The following CD44 variants were observed in gnomAD, a reference collection of about 807,000 sequenced individuals.
The protein encoded by CD44 is CD44 molecule (IN blood group).
Under a neutral mutation model 88.8 loss-of-function variants are expected in CD44, and 49 were observed. The ratio of observed to expected loss-of-function variants is 0.55; its 90% CI spans 0.44 to 0.70. CD44 has a LOEUF of 0.70. CD44 is among the 30% of genes least tolerant of loss of function. The pLI is 0.00. For missense variants in CD44, 883 were observed against 913.8 expected (o/e 0.97, Z 0.43); for synonymous variants, 325 against 312.3 (o/e 1.04, Z -0.43).
chr11:35,172,318 T>C (rs1943998432), intron 1 of CD44, among the ~76,000 whole-genome samples: 1 of 152,206 alleles, frequency 6.6e-6, no homozygotes, highest in Non-Finnish European at 1.5e-5. Context: ...ATCCCACTTG[T>C]TTAAAATTTC....
intron 1 of CD44, among the ~76,000 whole-genome samples, chr11:35,145,098 A>C (rs1172961733): frequency 2.0e-5 from 3 of 152,248 alleles, no homozygotes; most frequent in African/African-American, 7.2e-5. Context: ...GGAATTGGTG[A>C]TGCCAAAGAA....
At chr11:35,201,504 T>A in intron 8 of CD44, 167 bp from the exon 9 acceptor site, 1 of 718,798 alleles carries the variant, frequency 1.4e-6, no homozygotes, top group Non-Finnish European at 2.3e-6. Context: ...CCATTGATTT[T>A]CTCTTGAGAC....
intron 1 of CD44, among the ~76,000 whole-genome samples, chr11:35,161,501 A>G (rs190029708): frequency 4.3e-4 from 65 of 152,346 alleles, no homozygotes; most frequent in Non-Finnish European, 7.3e-4. Context: ...TCAGGGGGTC[A>G]GGAGAGCCTT....
In CD44 at chr11:35,198,145, C is replaced by T. The variant is rs760366186; in HGVS notation, c.821C>T (p.Ala274Val). ...GGTACGTCTTCAAATACCATCTCAGCAGGCTGGGAGCCAAATGAAGAAAAT... is the reference window on the plus strand; with the variant it reads ...GGTACGTCTTCAAATACCATCTCAGTAGGCTGGGAGCCAAATGAAGAAAAT... ...MAGTSSNTIS[A>V]GWEPNEENED... Residue 274 changes from alanine (A) to valine (V), a missense_variant, in exon 7 of 18, where the codon GCA becomes GTA. This residue lies in a region of CD44 where 631 missense variants were observed against 590.9 expected (regional missense o/e 1.07). Transcript: ENST00000428726. The T allele has an allele frequency of 1.2e-6, 2 of 1,613,882 alleles. No individual in the cohort carries two copies. Among genetic ancestry groups the T allele is most frequent in the East Asian group, 2.2e-5 (1 of 44,844 alleles).
chr11:35,146,119 C>T (rs1328498323), intron 1 of CD44, among the ~76,000 whole-genome samples: 1 of 152,170 alleles, frequency 6.6e-6, no homozygotes, highest in Non-Finnish European at 1.5e-5. Context: ...GTTTGAGTTG[C>T]ACTGGCTGCC....
Position 35,139,229 on chromosome 11 carries a change from C to G in CD44, c.-75C>G. On this transcript the variant is annotated 5_prime_UTR_variant, in exon 1 of 18. Transcript: ENST00000428726. ...TTCGGTCCGCCATCCTCGTCCCGTC[C>G]TCCGCCGGCCCCTGCCCCGCGCCCA... 8.2e-7 allele frequency: 1 copy of G among 1,223,078 alleles called. No individual in the cohort carries two copies. The highest frequency in any genetic ancestry group is 1.2e-6 in the Non-Finnish European group (1 of 849,342). 75.8% of individuals were successfully genotyped at this position (1,223,078 alleles called of 1,614,324 possible). A position where few individuals can be genotyped will look rare whatever the true frequency, so the allele number is the denominator to read the frequency against.
At chr11:35,190,159 C>A in intron 5 of CD44, 94 bp downstream of exon 5, 1 of 1,108,242 alleles carries the variant, frequency 9.0e-7, no homozygotes, top group South Asian at 1.3e-5. Context: ...TGCTGATTTT[C>A]TCGTCTCTAG....
chr11:35,142,561 C>CT (rs1027148074), intron 1 of CD44, among the ~76,000 whole-genome samples: 110 of 152,088 alleles, frequency 7.2e-4, no homozygotes, highest in African/African-American at 2.4e-3. Flanking sequence ...ACTCCGCCCC[C>CT]TGCTGGGAGT....
chr11:35,152,533 T>C (rs1860526353), intron 1 of CD44, among the ~76,000 whole-genome samples: 1 of 152,232 alleles, frequency 6.6e-6, no homozygotes, highest in Admixed American at 6.5e-5. Context: ...CTGCCTCCCC[T>C]AGACCTCTCC....
chr11:35,210,415 C>T (rs1157674547), intron 13 of CD44: 2 of 154,184 alleles, frequency 1.3e-5, no homozygotes, highest in African/African-American at 2.4e-5. Context: ...ATAAATTTCC[C>T]TCTTACTACT....
At chr11:35,223,323 T>A in intron 17 of CD44, 1 of 982,546 alleles carries the variant, frequency 1.0e-6, no homozygotes, top group Non-Finnish European at 1.2e-6. Flanking sequence ...AATTTCCTAT[T>A]GTGTGCAATC....
chr11:35,208,841 T>G (rs1006173915), intron 12 of CD44, among the ~76,000 whole-genome samples: 2 of 152,200 alleles, frequency 1.3e-5, no homozygotes, highest in African/African-American at 4.8e-5. Flanking sequence ...TCATAATTTC[T>G]TTGAGGAATA....
rs957377561 is a variant in CD44 at position 35,176,567 on chromosome 11, T to C, written c.68-8T>C. 8 of 1,599,976 alleles carry C rather than the reference T, an allele frequency of 5.0e-6. No homozygotes were observed. The African/African-American group carries it at 8.1e-5, about 16-fold the overall frequency. On this transcript the variant is annotated splice_region_variant and splice_polypyrimidine_tract_variant and intron_variant, in intron 1 of 17. Coordinates refer to ENST00000428726, the MANE Select transcript of CD44 (RefSeq NM_000610.4). ...AAAAGAATCTAACATTTCTATTTCTTCCCATAGATTTGAATATAACCTGCC... is the reference window on the plus strand; with the variant it reads ...AAAAGAATCTAACATTTCTATTTCTCCCCATAGATTTGAATATAACCTGCC...
At chr11:35,217,812 T>C (rs1948960288) in intron 15 of CD44, among the ~76,000 whole-genome samples, 2 of 152,180 alleles carry the variant, frequency 1.3e-5, no homozygotes, top group Non-Finnish European at 2.9e-5. Flanking sequence ...AAAAAAAAGT[T>C]CATTTTGGTG....
In CD44 at chr11:35,229,277, A is replaced by T; in HGVS notation, c.2173A>T (p.Met725Leu). The part of the protein sequence containing the change: ...KESSETPDQF[M>L]TADETRNLQN... ...GTCGTCAGAAACTCCAGACCAGTTT[A>T]TGACAGCTGATGAGACAAGGAACCT... The change falls in exon 18 of 18, where the codon ATG (methionine) becomes TTG (leucine). Residue 725 changes from methionine to leucine, a missense_variant. By Grantham distance (15) the Met-to-Leu change is conservative (BLOSUM62 2). Around this residue, in one of 2 missense-constraint regions of CD44, gnomAD observed 631 missense variants for 590.9 expected, o/e 1.07. Transcript: ENST00000428726. 6.2e-7 allele frequency: 1 copy of T among 1,613,848 alleles called. No homozygotes were observed. Among genetic ancestry groups the T allele is most frequent in the Non-Finnish European group, 8.5e-7 (1 of 1,179,728 alleles).
chr11:35,228,359 C>T (rs1346492953), intron 17 of CD44, among the ~76,000 whole-genome samples: 6 of 152,164 alleles, frequency 3.9e-5, no homozygotes, highest in Non-Finnish European at 8.8e-5. Flanking sequence ...TGGCCTTATA[C>T]CTCTAGAAAA....
At chr11:35,176,920 C>CT in intron 2 of CD44, 180 bp downstream of exon 2, 1 of 581,218 alleles carries the variant, frequency 1.7e-6, no homozygotes, top group Non-Finnish European at 3.0e-6. Context: ...TTAAAGTCAG[C>CT]TAAAGACACC....
In CD44 at chr11:35,214,877, TG is replaced by T; in HGVS notation, c.1842del (p.Ser615ProfsTer28). On this transcript the variant is annotated frameshift_variant, in exon 15 of 18. Coordinates refer to ENST00000428726, the MANE Select transcript of CD44 (RefSeq NM_000610.4). LOFTEE classifies it high-confidence loss of function. ...SGDQDTFHPSGGSHTTHGSES... is the reference protein window; with the variant it reads ...SGDQDTFHPSXGSHTTHGSES... ...GAGACCAAGACACATTCCACCCCAG[TG>T]GGGGGTCCCATACCACTCATGGATC... The T allele has an allele frequency of 2.6e-6, 4 of 1,559,152 alleles. No homozygotes were observed. Among genetic ancestry groups the T allele is most frequent in the African/African-American group, 1.4e-5 (1 of 72,812 alleles).
chr11:35,204,860 AAC>A (rs1456995208), intron 10 of CD44: 1 of 467,332 alleles, frequency 2.1e-6, no homozygotes, highest in African/African-American at 2.0e-5. Flanking sequence ...AAGAACAGGA[AAC>A]ACAGAGAAAA....
Sources: gnomAD v4.1 joint callset for allele counts (sites outside exome capture counted in the v4.1 genomes callset) on GRCh38, gnomAD v4.1.1 for gene constraint, gnomAD v4.1.1 regional missense constraint, MANE v1.5 for transcripts, NCBI Gene and HGNC (gene_info 2026-07-23, HGNC 2026-07-21) for gene names.